Variants in AMMECR1L observed in about 807,000 individuals in gnomAD.
AMMECR1L encodes AMMECR1 like, also known as AMMECR1-like protein.
In AMMECR1L, 4 loss-of-function variants were observed where a neutral mutation model predicts 36.8. The observed-to-expected ratio is 0.11, with a 90% CI of 0.05 to 0.25. The LOEUF is 0.25. AMMECR1L is among the 10% of genes least tolerant of loss of function. AMMECR1L has a pLI of 1.00. For synonymous variants in AMMECR1L, 147 were observed against 148.0 expected (o/e 0.99, Z 0.05); for missense variants, 232 against 392.1 (o/e 0.59, Z 3.45).
At position 127,873,847 on chromosome 2, in the gene AMMECR1L, T is replaced by C. The variant is rs1265461661; in HGVS notation, c.388A>G (p.Arg130Gly). 2 of 1,614,052 alleles carry C rather than the reference T, an allele frequency of 1.2e-6. No homozygotes were observed. Among genetic ancestry groups the C allele is most frequent in the South Asian group, 1.1e-5 (1 of 91,078 alleles). ...ACTCACTAGGGGTCATTGGTGAATC[T>C]AGGAAGTCGTGGCTGTGGGAAGCCA... is the stretch of plus-strand genomic sequence containing the variant. ...LYGFPQPRLP[R>G]FTNDPYPLFV... Residue 130 changes from arginine (R) to glycine (G), a missense_variant, in exon 3 of 8, where the codon AGA becomes GGA. Physicochemically the swap from Arg to Gly is moderately radical, Grantham distance 125 (BLOSUM62 -2). Around this residue, in one of 3 missense-constraint regions of AMMECR1L, gnomAD observed 83 missense variants for 229.5 expected, o/e 0.36. Coordinates refer to ENST00000272647, the MANE Select transcript of AMMECR1L (RefSeq NM_001199140.2). This position sits in a 1 kb window ranked among gnomAD's most constrained non-coding sequence, Gnocchi z 5.2.
In AMMECR1L at chr2:127,873,092, A is replaced by G. The variant is rs1006500303; in HGVS notation, c.407+736T>C. 2 of 985,298 alleles carry G rather than the reference A, an allele frequency of 2.0e-6. No individual in the cohort carries two copies. The highest frequency in any genetic ancestry group is 3.5e-5 in the African/African-American group (2 of 57,232). 61.0% of individuals were successfully genotyped at this position (985,298 alleles called of 1,614,324 possible). A position where few individuals can be genotyped will look rare whatever the true frequency, so the allele number is the denominator to read the frequency against. On this transcript the variant is annotated intron_variant, in intron 3 of 7. Transcript: ENST00000272647. This position sits in a 1 kb window ranked among gnomAD's most constrained non-coding sequence, Gnocchi z 5.2. The stretch of plus-strand genomic sequence containing the variant: ...GCAATCAACAACTGAGGAATGAATA[A>G]TCTCATATCAATGAACACTCCAAAA...
At chr2:127,882,048 T>C (rs1559000932) in intron 2 of AMMECR1L, among the ~76,000 whole-genome samples, 2 of 152,220 alleles carry the variant, frequency 1.3e-5, no homozygotes, top group Admixed American at 6.5e-5. Flanking sequence ...AAAATGCTAT[T>C]ATTGTAGACA....
At chr2:127,877,680 C>T (rs1280890049) in intron 2 of AMMECR1L, among the ~76,000 whole-genome samples, 1 of 152,142 alleles carries the variant, frequency 6.6e-6, no homozygotes. Flanking sequence ...GGCTGTATGG[C>T]CTGGAACTAC....
chr2:127,869,252 T>C lies in AMMECR1L; in HGVS notation c.724+202A>G, dbSNP rs1690848573. On this transcript the variant is annotated intron_variant, in intron 6 of 7. Transcript: ENST00000272647. This position sits in a 1 kb window ranked among gnomAD's most constrained non-coding sequence, Gnocchi z 4.7. Reference sequence around the variant, plus strand: ...ATATCAGGCGAGTAAGTGAACGATTTACCCTTTTGCTTTTCCCAGCTCCTA... The same window carrying C: ...ATATCAGGCGAGTAAGTGAACGATTCACCCTTTTGCTTTTCCCAGCTCCTA... 6.6e-6 allele frequency among the ~76,000 whole-genome samples: 1 copy of C among 152,192 alleles called. No homozygotes were observed. The highest frequency in any genetic ancestry group is 1.5e-5 in the Non-Finnish European group (1 of 68,028).
chr2:127,881,145 A>G (rs1241276697), intron 2 of AMMECR1L, among the ~76,000 whole-genome samples: 1 of 151,928 alleles, frequency 6.6e-6, no homozygotes, highest in Admixed American at 6.6e-5. Context: ...CTTTCTTTTG[A>G]TAGGTCAGAC....
chr2:127,885,011 A>G (rs939286501), intron 1 of AMMECR1L: 19 of 345,158 alleles, frequency 5.5e-5, no homozygotes, highest in Middle Eastern at 1.5e-3. Flanking sequence ...AGGGTGAGGG[A>G]GCATGGCAAG....
rs762229308 is a variant in AMMECR1L at position 127,871,873 on chromosome 2, A to C, written c.408-514T>G. 2.8e-4 allele frequency among the ~76,000 whole-genome samples: 42 copies of C among 152,142 alleles called. 1 individual carries two copies. The highest frequency in any genetic ancestry group is 4.1e-4 in the Non-Finnish European group (28 of 68,030). On this transcript the variant is annotated intron_variant, in intron 3 of 7. Coordinates refer to ENST00000272647, the MANE Select transcript of AMMECR1L (RefSeq NM_001199140.2). This position sits in a 1 kb window ranked among gnomAD's most constrained non-coding sequence, Gnocchi z 4.3. ...TTCAGAAAAAAAAGTTCCCTCAAAA[A>C]ACATTTTTTAATTTTTAAAAAAAGA...
intron 2 of AMMECR1L, among the ~76,000 whole-genome samples, chr2:127,881,852 C>T (rs1263401443): frequency 3.9e-5 from 6 of 152,180 alleles, no homozygotes; most frequent in Non-Finnish European, 7.3e-5. Context: ...ACTCTCATGA[C>T]CTTGATGGTT....
intron 5 of AMMECR1L, among the ~76,000 whole-genome samples, chr2:127,870,303 ACT>A (rs1354413328): frequency 7.4e-6 from 1 of 134,992 alleles, no homozygotes; most frequent in Non-Finnish European, 1.5e-5. Context: ...ACAGAGCGAG[ACT>A]CTGTCTCAAA....
At position 127,874,142 on chromosome 2, in the gene AMMECR1L, C is replaced by A. The variant is rs139441644; in HGVS notation, c.93G>T (p.Thr31=). 1 of 1,614,164 alleles carries A rather than the reference C, an allele frequency of 6.2e-7. No homozygotes were observed. Among genetic ancestry groups the A allele is most frequent in the Non-Finnish European group, 8.5e-7 (1 of 1,180,030 alleles). ...TTGTGGACTGATTCCCGTGACTGTGCGTTCCACTTCCAGATAATTTGGGCT... is the reference window on the plus strand; with the variant it reads ...TTGTGGACTGATTCCCGTGACTGTGAGTTCCACTTCCAGATAATTTGGGCT... The part of the protein sequence containing the change: ...VKKPKLSGSG[T]HSHGNQSTTV... Residue 31 remains threonine (T), a synonymous_variant, in exon 3 of 8, where the codon ACG becomes ACT. Coordinates refer to ENST00000272647, the MANE Select transcript of AMMECR1L (RefSeq NM_001199140.2). The surrounding 1 kb of genome is among the most constrained non-coding windows in gnomAD (Gnocchi z 5.2).
chr2:127,874,337 A>T lies in AMMECR1L; in HGVS notation c.-38-65T>A, dbSNP rs1198587651. ...AGTTAAAAGGAGAGGAAAAAACATC[A>T]AAGATAGAGAGTCTGCATTGACCAG... is the stretch of plus-strand genomic sequence containing the variant. On this transcript the variant is annotated intron_variant, in intron 2 of 7. Transcript: ENST00000272647. This position sits in a 1 kb window ranked among gnomAD's most constrained non-coding sequence, Gnocchi z 5.2. The T allele has an allele frequency of 2.8e-6, 4 of 1,436,728 alleles. No individual in the cohort carries two copies. Among genetic ancestry groups the T allele is most frequent in the Non-Finnish European group, 2.8e-6 (3 of 1,069,736 alleles). 89.0% of individuals were successfully genotyped at this position (1,436,728 alleles called of 1,614,324 possible).
At chr2:127,878,851 G>A (rs1338104726) in intron 2 of AMMECR1L, among the ~76,000 whole-genome samples, 1 of 152,200 alleles carries the variant, frequency 6.6e-6, no homozygotes, top group Non-Finnish European at 1.5e-5. Flanking sequence ...GTGACCAAAA[G>A]CAGAGTTAGA....
At position 127,885,184 on chromosome 2, in the gene AMMECR1L, C is replaced by A. The variant is rs371595926; in HGVS notation, c.-149+626G>T. 182 of 983,552 alleles carry A rather than the reference C, an allele frequency of 1.9e-4. 1 individual carries two copies. Among genetic ancestry groups the A allele is most frequent in the Admixed American group, 1.2e-4 (2 of 16,096 alleles). The allele number at this position is 983,552 out of a possible 1,614,324, so 60.9% of individuals were successfully genotyped here. A position where few individuals can be genotyped will look rare whatever the true frequency, so the allele number is the denominator to read the frequency against. The stretch of plus-strand genomic sequence containing the variant: ...GAAGGAGGGCCCAAGAGTAGGGGTG[C>A]GAAAAAGAGAAGAGGAGGAGGAGAA... On this transcript the variant is annotated intron_variant, in intron 1 of 7. Coordinates refer to ENST00000272647, the MANE Select transcript of AMMECR1L (RefSeq NM_001199140.2).
rs779623983 is a variant in AMMECR1L, at chr2:127,874,139, G to A, written c.96C>T (p.His32=). The change falls in exon 3 of 8, where the codon CAC becomes CAT. Residue 32 remains histidine (H), a synonymous_variant. Transcript: ENST00000272647. This position sits in a 1 kb window ranked among gnomAD's most constrained non-coding sequence, Gnocchi z 5.2. ...CAGTTGTGGACTGATTCCCGTGACT[G>A]TGCGTTCCACTTCCAGATAATTTGG... The part of the protein sequence containing the change: ...KKPKLSGSGT[H]SHGNQSTTVP... 8 of 1,614,182 alleles carry A rather than the reference G, an allele frequency of 5.0e-6. No individual in the cohort carries two copies. The highest frequency in any genetic ancestry group is 6.8e-6 in the Non-Finnish European group (8 of 1,180,038).
rs931180060 is a variant in AMMECR1L at position 127,865,908 on chromosome 2, A to T, written c.822-703T>A. On this transcript the variant is annotated intron_variant, in intron 7 of 7. Transcript: ENST00000272647. This position sits in a 1 kb window ranked among gnomAD's most constrained non-coding sequence, Gnocchi z 5.4. The stretch of plus-strand genomic sequence containing the variant: ...GAGCTGGGTGTGACAATCCTTACCC[A>T]GAGCCATCTCTTTCCCACTGTAATC... Among the ~76,000 whole-genome samples, 2 of 152,254 alleles carry T rather than the reference A, an allele frequency of 1.3e-5. No individual in the cohort carries two copies. Among genetic ancestry groups the T allele is most frequent in the Non-Finnish European group, 2.9e-5 (2 of 68,038 alleles).
In AMMECR1L at chr2:127,870,935, G is replaced by A. The variant is rs916082611; in HGVS notation, c.519-7C>T. 6 of 1,607,182 alleles carry A rather than the reference G, an allele frequency of 3.7e-6. No homozygotes were observed. The highest frequency in any genetic ancestry group is 5.1e-6 in the Non-Finnish European group (6 of 1,175,990). On this transcript the variant is annotated splice_region_variant and splice_polypyrimidine_tract_variant and intron_variant, in intron 4 of 7. Transcript: ENST00000272647. ...TCGGCTGTCCTTAAGTGCACTGGAGGGGGACAGAAAACATAGGTAAGGCTG... is the reference window on the plus strand; with the variant it reads ...TCGGCTGTCCTTAAGTGCACTGGAGAGGGACAGAAAACATAGGTAAGGCTG...
chr2:127,881,313 G>C (rs1188037155), intron 2 of AMMECR1L, among the ~76,000 whole-genome samples: 1 of 99,960 alleles, frequency 1.0e-5, no homozygotes, highest in African/African-American at 2.6e-5. Flanking sequence ...TTACAAACCA[G>C]GTATTGAGAC....
chr2:127,867,934 G>A (rs984309642), intron 6 of AMMECR1L, among the ~76,000 whole-genome samples: 46 of 152,240 alleles, frequency 3.0e-4, no homozygotes, highest in African/African-American at 1.1e-3. Flanking sequence ...GCGCAGTGGC[G>A]CAATATTGGC....
rs912998663 is a variant in AMMECR1L at position 127,862,511 on chromosome 2, T to C, written c.*2583A>G. The C allele has an allele frequency of 7.2e-5, 11 of 153,592 alleles. No homozygotes were observed. Among genetic ancestry groups the C allele is most frequent in the Non-Finnish European group, 1.0e-4 (7 of 68,120 alleles). The allele number at this position is 153,592 out of a possible 1,614,324, so 9.5% of individuals were successfully genotyped here. ...TCCTGAGAGCCACCTGCTACACACT[T>C]TCATGAGGCGACCGTGACCGTACAC... On this transcript the variant is annotated 3_prime_UTR_variant, in exon 8 of 8. Transcript: ENST00000272647.
Sources: allele counts gnomAD v4.1 joint callset (sites outside exome capture counted in the v4.1 genomes callset), GRCh38; gene constraint gnomAD v4.1.1; regional missense constraint gnomAD v4.1.1; non-coding constraint Gnocchi (gnomAD v3.1); transcripts MANE v1.5; gene names NCBI Gene and HGNC (gene_info 2026-07-23, HGNC 2026-07-21).